MGAT4C: variants seen among roughly 807,000 people sequenced by gnomAD.
MGAT4C encodes MGAT4 family member C.
MGAT4C carries 19 observed loss-of-function variants against 40.1 expected under a neutral mutation model. That is an observed-to-expected ratio of 0.47 (90% CI 0.33 to 0.70). MGAT4C has a LOEUF of 0.70. Ranked by LOEUF, MGAT4C falls within the 30% of genes least tolerant of loss-of-function variation. The pLI is 0.02. For missense variants in MGAT4C, 491 were observed against 563.2 expected (o/e 0.87, Z 1.30); for synonymous variants, 181 against 187.1 (o/e 0.97, Z 0.27).
intron 2 of MGAT4C, among the ~76,000 whole-genome samples, chr12:86,558,937 A>T (rs1463314924): frequency 6.6e-6 from 1 of 152,008 alleles, no homozygotes; most frequent in African/African-American, 2.4e-5. Flanking sequence ...ATGGATAAAA[A>T]ACAATGCGCC....
At chr12:86,542,499 T>G (rs1367058968) in intron 2 of MGAT4C, among the ~76,000 whole-genome samples, 1 of 152,160 alleles carries the variant, frequency 6.6e-6, no homozygotes, top group Non-Finnish European at 1.5e-5. Flanking sequence ...CTCTCAACCA[T>G]TATGTTGTGG....
intron 2 of MGAT4C, among the ~76,000 whole-genome samples, chr12:86,633,717 C>A (rs1418794547): frequency 6.6e-6 from 1 of 152,006 alleles, no homozygotes; most frequent in East Asian, 1.9e-4. Context: ...ATTCTTATTG[C>A]ACTTACGGTA....
rs572418649 is a variant in MGAT4C at position 86,200,225 on chromosome 12, C to A, written c.-57+56014G>T. On this transcript the variant is annotated intron_variant, in intron 1 of 4. Coordinates refer to ENST00000611864, the MANE Select transcript of MGAT4C (RefSeq NM_001351288.2). ...GTCTTGATCATTGTTGATTTTATTA[C>A]TGAATGTATTATTGCATTGCATTTT... 3.0e-5 allele frequency among the ~76,000 whole-genome samples: 4 copies of A among 131,332 alleles called. No individual in the cohort carries two copies. The East Asian group carries it at 7.6e-4, about 25-fold the overall frequency. The allele number at this position is 131,332 out of a possible 152,430, so 86.2% of individuals were successfully genotyped here. A position where few individuals can be genotyped will look rare whatever the true frequency, so the allele number is the denominator to read the frequency against.
chr12:85,982,389 A>G (rs1477033959), intron 4 of MGAT4C, among the ~76,000 whole-genome samples: 1 of 152,144 alleles, frequency 6.6e-6, no homozygotes, highest in Non-Finnish European at 1.5e-5. Context: ...GGGTTTCACC[A>G]TGTTGGCCAG....
Position 86,402,440 on chromosome 12 carries a change from T to A in MGAT4C, c.-120+32717A>T, listed in dbSNP as rs375897639. ...CGAGACTCCATTTCAAAAAAAATAA[T>A]AATAATAAAAATAAGAGGTTGGGGA... On this transcript the variant is annotated intron_variant, in intron 3 of 7. Transcript: ENST00000548651. Among the ~76,000 whole-genome samples the A allele has an allele frequency of 2.6e-5, 4 of 151,914 alleles. No individual in the cohort carries two copies. The East Asian group carries it at 7.7e-4, about 29-fold the overall frequency.
intron 2 of MGAT4C, among the ~76,000 whole-genome samples, chr12:86,636,206 C>A (rs1302221741): frequency 6.6e-6 from 1 of 152,034 alleles, no homozygotes; most frequent in Non-Finnish European, 1.5e-5. Context: ...GGACAAATTT[C>A]TGAGAATCTA....
chr12:86,111,094 A>G lies in MGAT4C; in HGVS notation c.-56-61371T>C, dbSNP rs201037974. Among the ~76,000 whole-genome samples the G allele has an allele frequency of 5.3e-5, 8 of 151,974 alleles. No homozygotes were observed. In the East Asian group the frequency reaches 1.5e-3, roughly 29 times the overall value. On this transcript the variant is annotated intron_variant, in intron 1 of 4. Coordinates refer to ENST00000611864, the MANE Select transcript of MGAT4C (RefSeq NM_001351288.2). Reference sequence around the variant, plus strand: ...AATAAAATGTTAAAGTAACTTTTATAGTTTTTAAACCATAGAAAGTTTCTG... The same window carrying G: ...AATAAAATGTTAAAGTAACTTTTATGGTTTTTAAACCATAGAAAGTTTCTG...
intron 1 of MGAT4C, among the ~76,000 whole-genome samples, chr12:86,166,053 G>A (rs1305557090): frequency 6.6e-6 from 1 of 152,070 alleles, no homozygotes; most frequent in Non-Finnish European, 1.5e-5. Context: ...AAATAAATGT[G>A]CTTTAAGAAT....
intron 2 of MGAT4C, among the ~76,000 whole-genome samples, chr12:86,554,719 A>G (rs766499579): frequency 1.3e-5 from 2 of 152,214 alleles, no homozygotes; most frequent in Admixed American, 6.5e-5. Flanking sequence ...TAGGCCTCCA[A>G]CTGAAACTCA....
rs546407723 is a variant in MGAT4C, at chr12:86,488,435, AAAAC to A, written c.-228-53174_-228-53171del. 2.4e-3 allele frequency among the ~76,000 whole-genome samples: 361 copies of A among 151,874 alleles called. 2 individuals carry two copies. The highest frequency in any genetic ancestry group is 3.4e-3 in the Middle Eastern group (1 of 294). ...GGGTGAGACCCTGTCTCAAAAAAAA[AAAAC>A]AAAAAACCCAAAATGAAACAAAACA... On this transcript the variant is annotated intron_variant, in intron 2 of 7. Coordinates refer to the MGAT4C transcript ENST00000548651.
intron 1 of MGAT4C, among the ~76,000 whole-genome samples, chr12:86,757,255 G>A (rs1951321684): frequency 6.6e-6 from 1 of 152,034 alleles, no homozygotes; most frequent in Admixed American, 6.6e-5. Flanking sequence ...TTAGGAGAAA[G>A]ACCTAATGTA....
chr12:85,980,261 A>G lies in MGAT4C; in HGVS notation c.465T>C (p.Asp155=). The G allele has an allele frequency of 6.2e-7, 1 of 1,613,984 alleles. No homozygotes were observed. Among genetic ancestry groups the G allele is most frequent in the Non-Finnish European group, 8.5e-7 (1 of 1,179,918 alleles). The part of the protein sequence containing the change: ...NSSWRDAMVQ[D]ITQKFAHHII... ...TATGGTGCGCAAATTTCTGTGTAAT[A>G]TCCTGGACCATGGCATCACGCCAGG... The change falls in exon 5 of 5, where the codon GAT becomes GAC. Residue 155 remains aspartate (D), a synonymous_variant. Coordinates refer to ENST00000611864, the MANE Select transcript of MGAT4C (RefSeq NM_001351288.2).
At chr12:86,162,674 T>G (rs1171389990) in intron 1 of MGAT4C, among the ~76,000 whole-genome samples, 1 of 152,114 alleles carries the variant, frequency 6.6e-6, no homozygotes, top group Admixed American at 6.6e-5. Flanking sequence ...AATAATAGAT[T>G]ATAAAGCCTT....
chr12:86,188,868 T>A (rs1453837463), intron 1 of MGAT4C, among the ~76,000 whole-genome samples: 1 of 151,992 alleles, frequency 6.6e-6, no homozygotes, highest in African/African-American at 2.4e-5. Context: ...AAGTTATTGA[T>A]ATAAATTTAG....
intron 2 of MGAT4C, among the ~76,000 whole-genome samples, chr12:86,579,177 T>C (rs1026857494): frequency 6.6e-6 from 1 of 151,616 alleles, no homozygotes; most frequent in African/African-American, 2.4e-5. Flanking sequence ...AAGTAGGGAC[T>C]CTGGTCATTT....
chr12:86,770,276 A>G (rs1951607169), intron 1 of MGAT4C, among the ~76,000 whole-genome samples: 1 of 152,074 alleles, frequency 6.6e-6, no homozygotes, highest in South Asian at 2.1e-4. Flanking sequence ...TACCTGGTCT[A>G]CCAAATTTAT....
At chr12:86,611,527 C>G (rs2195231) in intron 2 of MGAT4C, among the ~76,000 whole-genome samples, 1 of 151,920 alleles carries the variant, frequency 6.6e-6, no homozygotes, top group African/African-American at 2.4e-5. Flanking sequence ...TTCCTCTGGA[C>G]AGTTTACCTG....
At chr12:86,735,531 G>A (rs547504127) in intron 1 of MGAT4C, among the ~76,000 whole-genome samples, 1 of 152,002 alleles carries the variant, frequency 6.6e-6, no homozygotes, top group Admixed American at 6.6e-5. Flanking sequence ...TGAAGAATCT[G>A]TGATGGATAG....
At chr12:86,294,914 G>A (rs994154631) in intron 4 of MGAT4C, among the ~76,000 whole-genome samples, 5 of 152,080 alleles carry the variant, frequency 3.3e-5, no homozygotes, top group African/African-American at 1.2e-4. Context: ...GCCCCGTAAA[G>A]TCTTTGTTCA....
Sources: allele counts gnomAD v4.1 joint callset (sites outside exome capture counted in the v4.1 genomes callset), GRCh38; gene constraint gnomAD v4.1.1; transcripts MANE v1.5; gene names NCBI Gene and HGNC (gene_info 2026-07-23, HGNC 2026-07-21).